Variants in RPGRIP1L observed in about 807,000 individuals in gnomAD.
The protein encoded by RPGRIP1L is protein fantom.
A neutral mutation model predicts 160.4 loss-of-function variants in RPGRIP1L; 131 were observed. That is an observed-to-expected ratio of 0.82 (90% CI 0.71 to 0.94). RPGRIP1L has a LOEUF of 0.94. RPGRIP1L is among the 40% of genes least tolerant of loss of function. RPGRIP1L has a pLI of 0.00. For missense variants in RPGRIP1L, 1,522 were observed against 1,535.8 expected, an observed-to-expected ratio of 0.99 and a Z score of 0.15; for synonymous variants, 510 against 515.8, an observed-to-expected ratio of 0.99 and a Z score of 0.15.
At chr16:53,619,832 T>C (rs968560542) in intron 23 of RPGRIP1L, among the ~76,000 whole-genome samples, 1 of 152,188 alleles carries the variant, frequency 6.6e-6, no homozygotes, top group Non-Finnish European at 1.5e-5. Flanking sequence ...TAATTTTATT[T>C]TTACAAAATT....
intron 9 of RPGRIP1L, among the ~76,000 whole-genome samples, chr16:53,669,282 G>A (rs1355168254): frequency 6.6e-6 from 1 of 152,076 alleles, no homozygotes; most frequent in Non-Finnish European, 1.5e-5. Flanking sequence ...ACTATTATGT[G>A]TGTTTGCTGG....
chr16:53,605,053 C>T (rs1306116473), intron 26 of RPGRIP1L, among the ~76,000 whole-genome samples: 6 of 151,842 alleles, frequency 4.0e-5, no homozygotes, highest in Admixed American at 6.6e-5. Flanking sequence ...TGGTGATGCA[C>T]GCCTGTAGTC....
At chr16:53,669,190 T>C (rs1030134517) in intron 9 of RPGRIP1L, among the ~76,000 whole-genome samples, 1 of 152,168 alleles carries the variant, frequency 6.6e-6, no homozygotes, top group African/African-American at 2.4e-5. Context: ...ATGTAGACTT[T>C]TGTCGAATTT....
intron 23 of RPGRIP1L, among the ~76,000 whole-genome samples, chr16:53,621,589 G>A (rs1964715890): frequency 6.6e-6 from 1 of 152,008 alleles, no homozygotes; most frequent in South Asian, 2.1e-4. Flanking sequence ...CCTAAAAGGG[G>A]TACATTTTAA....
In RPGRIP1L at chr16:53,637,677, T is replaced by A; in HGVS notation, c.3220+18A>T. ...CACAGGGTTAACTAAACAATGTTAGTTTAAATAAGAAAGTCACCTTCTGGT... is the reference window on the plus strand; with the variant it reads ...CACAGGGTTAACTAAACAATGTTAGATTAAATAAGAAAGTCACCTTCTGGT... On this transcript the variant is annotated intron_variant, in intron 21 of 26. Transcript: ENST00000647211. The A allele has an allele frequency of 6.2e-7, 1 of 1,602,780 alleles. No homozygotes were observed. Among genetic ancestry groups the A allele is most frequent in the Non-Finnish European group, 8.5e-7 (1 of 1,178,036 alleles).
intron 10 of RPGRIP1L, 65 bp from the exon 11 acceptor site, chr16:53,658,943 ATTACT>A (rs1967523807): frequency 2.9e-6 from 3 of 1,025,806 alleles, no homozygotes; most frequent in Non-Finnish European, 4.5e-6. Flanking sequence ...CACATTTCAA[ATTACT>A]TTAATTCCTG....
chr16:53,613,554 T>C (rs1224841219), intron 24 of RPGRIP1L, among the ~76,000 whole-genome samples: 1 of 152,156 alleles, frequency 6.6e-6, no homozygotes, highest in East Asian at 1.9e-4. Flanking sequence ...TGGCCTCAAG[T>C]GATCCTACTG....
At chr16:53,698,013 C>T (rs546181593) in intron 2 of RPGRIP1L, among the ~76,000 whole-genome samples, 10 of 151,746 alleles carry the variant, frequency 6.6e-5, no homozygotes, top group Admixed American at 4.6e-4. Context: ...TTTGCCCTGC[C>T]GCCCCGTCTG....
At chr16:53,641,530 G>T in intron 17 of RPGRIP1L, 55 bp from the exon 18 acceptor site, 2 of 1,470,698 alleles carry the variant, frequency 1.4e-6, no homozygotes, top group East Asian at 2.3e-5. Flanking sequence ...ATTACTGTAA[G>T]AATTAAAGAA....
chr16:53,614,431 G>C lies in RPGRIP1L; in HGVS notation c.3617-3380C>G, dbSNP rs570453113. On this transcript the variant is annotated intron_variant, in intron 24 of 26. Coordinates refer to ENST00000647211, the MANE Select transcript of RPGRIP1L (RefSeq NM_015272.5). ...TCAGTAGCTCTGGGTTAGGGCCTGA[G>C]AATTTGTAATTCTAACATGTTTCCA... is the stretch of plus-strand genomic sequence containing the variant. Among the ~76,000 whole-genome samples the C allele has an allele frequency of 1.9e-3, 297 of 152,316 alleles. 1 individual carries two copies. Among genetic ancestry groups the C allele is most frequent in the Non-Finnish European group, 2.7e-3 (184 of 68,022 alleles).
chr16:53,604,692 C>T (rs563692151), intron 26 of RPGRIP1L, among the ~76,000 whole-genome samples: 310 of 152,260 alleles, frequency 2.0e-3, no homozygotes, highest in African/African-American at 6.8e-3. Flanking sequence ...AAGCTACTTC[C>T]TTGCTTTGAC....
At chr16:53,611,541 C>G (rs1360000556) in intron 24 of RPGRIP1L, among the ~76,000 whole-genome samples, 1 of 152,240 alleles carries the variant, frequency 6.6e-6, no homozygotes, top group African/African-American at 2.4e-5. Flanking sequence ...AATCCGCAGG[C>G]TGACGCCTGC....
intron 6 of RPGRIP1L, among the ~76,000 whole-genome samples, chr16:53,682,555 T>C (rs1373778738): frequency 6.6e-6 from 1 of 151,574 alleles, no homozygotes; most frequent in Non-Finnish European, 1.5e-5. Flanking sequence ...GCCAATACAG[T>C]GTCCACCTTA....
chr16:53,622,926 G>C (rs555192159), intron 22 of RPGRIP1L, among the ~76,000 whole-genome samples: 6 of 152,034 alleles, frequency 3.9e-5, no homozygotes, highest in Non-Finnish European at 7.4e-5. Context: ...TTGAGCCTGA[G>C]AGGTTGGGGC....
Position 53,657,564 on chromosome 16 carries a change from A to C in RPGRIP1L, c.1470T>G (p.Asp490Glu), listed in dbSNP as rs984578002. The change falls in exon 13 of 27, where the codon GAT becomes GAG. Residue 490 changes from aspartate to glutamate, a missense_variant. Transcript: ENST00000647211. ...LVKVDSEINK[D>E]LERSMRELQA... The stretch of plus-strand genomic sequence containing the variant: ...GCAGCTCTCTCATAGAGCGTTCTAG[A>C]TCTTTATTAATTTCACTATCTACTT... The C allele has an allele frequency of 3.1e-6, 5 of 1,603,896 alleles. No individual in the cohort carries two copies. The African/African-American group carries it at 6.7e-5, about 21-fold the overall frequency.
At position 53,645,616 on chromosome 16, in the gene RPGRIP1L, T is replaced by C. The variant is rs1232204572; in HGVS notation, c.2683+9A>G. On this transcript the variant is annotated intron_variant, in intron 17 of 26. Transcript: ENST00000647211. The stretch of plus-strand genomic sequence containing the variant: ...TTACAATTTTATAGATTCAAAAACA[T>C]AGGCTTACCTGAGATACACCTGTCA... 1 of 1,612,004 alleles carries C rather than the reference T, an allele frequency of 6.2e-7. No individual in the cohort carries two copies. Among genetic ancestry groups the C allele is most frequent in the Admixed American group, 1.7e-5 (1 of 59,908 alleles).
At chr16:53,675,995 T>G (rs1969125314) in intron 6 of RPGRIP1L, among the ~76,000 whole-genome samples, 2 of 152,116 alleles carry the variant, frequency 1.3e-5, no homozygotes, top group South Asian at 4.1e-4. Flanking sequence ...GAAAAATAAA[T>G]GTAAAAAATT....
In RPGRIP1L at chr16:53,700,681, T is replaced by C. The variant is rs1369026543; in HGVS notation, c.43A>G (p.Lys15Glu). ...CCAAAGAGGTTTAGACCTGTATCTTTCACAGGCAAGTCTCCTGCAGTCTCA... is the reference window on the plus strand; with the variant it reads ...CCAAAGAGGTTTAGACCTGTATCTTCCACAGGCAAGTCTCCTGCAGTCTCA... Reference protein sequence around the residue: ...TDETAGDLPVKDTGLNLFGMG... With the variant: ...TDETAGDLPVEDTGLNLFGMG... Residue 15 changes from lysine (K) to glutamate (E), a missense_variant, in exon 2 of 27, where the codon AAA (lysine) becomes GAA (glutamate). Transcript: ENST00000647211. 6.2e-7 allele frequency: 1 copy of C among 1,613,660 alleles called. No individual in the cohort carries two copies. The highest frequency in any genetic ancestry group is 1.1e-5 in the South Asian group (1 of 90,922).
At chr16:53,683,024 G>T (rs1323679761) in intron 6 of RPGRIP1L, among the ~76,000 whole-genome samples, 2 of 151,918 alleles carry the variant, frequency 1.3e-5, no homozygotes, top group East Asian at 3.8e-4. Context: ...AGAATTTTTA[G>T]AGATAACACT....
Sources: allele counts gnomAD v4.1 joint callset (sites outside exome capture counted in the v4.1 genomes callset), GRCh38; gene constraint gnomAD v4.1.1; transcripts MANE v1.5; gene names NCBI Gene and HGNC (gene_info 2026-07-23, HGNC 2026-07-21).